PMFBP1: variants seen among roughly 807,000 people sequenced by gnomAD.
PMFBP1 encodes the protein polyamine modulated factor 1 binding protein 1.
In PMFBP1, 131 loss-of-function variants were observed where a neutral mutation model predicts 137.8. That is an observed-to-expected ratio of 0.95 (90% CI 0.82 to 1.10). The LOEUF (loss-of-function observed/expected upper bound fraction) is 1.10. PMFBP1 is among the 50% of genes least tolerant of loss of function. PMFBP1 has a pLI of 0.00. For missense variants in PMFBP1, 1,199 were observed against 1,175.4 expected (o/e 1.02, Z -0.29); for synonymous variants, 490 against 450.4 (o/e 1.09, Z -1.11).
chr16:72,146,648 T>C (rs6499563), intron 5 of PMFBP1, among the ~76,000 whole-genome samples: 92,989 of 152,076 alleles, frequency 0.61, 29,532 homozygotes, highest in African/African-American at 0.77. Flanking sequence ...CCCAAATCTC[T>C]TTAAGCTGAT....
chr16:72,192,343 T>C, the PMFBP1 span, among the ~76,000 whole-genome samples: 1 of 152,188 alleles, frequency 6.6e-6, no homozygotes, highest in Non-Finnish European at 1.5e-5. Context: ...TCAACTGTTA[T>C]AGGATGCTAA....
intron 6 of PMFBP1, 137 bp from the exon 7 acceptor site, chr16:72,139,536 G>T (rs1455662685): frequency 2.8e-6 from 2 of 711,336 alleles, no homozygotes; most frequent in African/African-American, 1.7e-5. Flanking sequence ...TTCCCTGTGG[G>T]GTAGGTAGGG....
At chr16:72,238,093 T>C in the PMFBP1 span, among the ~76,000 whole-genome samples, 4 of 152,240 alleles carry the variant, frequency 2.6e-5, no homozygotes, top group Non-Finnish European at 5.9e-5. Context: ...TTGTGGATAG[T>C]GCTGCAATGA....
At chr16:72,192,635 C>A in the PMFBP1 span, among the ~76,000 whole-genome samples, 2 of 152,118 alleles carry the variant, frequency 1.3e-5, no homozygotes, top group Non-Finnish European at 2.9e-5. Context: ...CACCTGTAAT[C>A]TCAGCACTTT....
the PMFBP1 span, among the ~76,000 whole-genome samples, chr16:72,229,583 G>C: frequency 5.9e-5 from 9 of 151,874 alleles, no homozygotes; most frequent in Non-Finnish European, 1.3e-4. Context: ...CTGTGATTTA[G>C]ATTTGCCTTT....
chr16:72,206,061 T>C, the PMFBP1 span, among the ~76,000 whole-genome samples: 1 of 151,992 alleles, frequency 6.6e-6, no homozygotes, highest in African/African-American at 2.4e-5. Context: ...TAGCTTGCTA[T>C]TGGGAAATGG....
the PMFBP1 span, among the ~76,000 whole-genome samples, chr16:72,241,843 G>A: frequency 1.3e-5 from 2 of 152,282 alleles, no homozygotes; most frequent in South Asian, 4.2e-4. Context: ...CAAATGGCTG[G>A]TGTTTAATTG....
At position 72,130,693 on chromosome 16, in the gene PMFBP1, C is replaced by G. The variant is rs771613970; in HGVS notation, c.1477G>C (p.Ala493Pro). ...AQQAAQCKEE[A>P]ALAGCHLEDT... The stretch of plus-strand genomic sequence containing the variant: ...TCCAGGTGACAGCCTGCCAGTGCAG[C>G]CTCTTCTTTGCACTGGGCTGCTTGC... The change falls in exon 11 of 21, where the codon GCT becomes CCT. Residue 493 changes from alanine (A) to proline (P), a missense_variant. Ala to Pro is a conservative substitution (Grantham distance 27). Coordinates refer to ENST00000237353, the MANE Select transcript of PMFBP1 (RefSeq NM_031293.3). 6 of 1,613,236 alleles carry G rather than the reference C, an allele frequency of 3.7e-6. No homozygotes were observed. The highest frequency in any genetic ancestry group is 5.1e-6 in the Non-Finnish European group (6 of 1,179,968).
Position 72,122,948 on chromosome 16 carries a change from C to T in PMFBP1, c.2734G>A (p.Val912Met), listed in dbSNP as rs767757917. 4 of 1,613,346 alleles carry T rather than the reference C, an allele frequency of 2.5e-6. No individual in the cohort carries two copies. The highest frequency in any genetic ancestry group is 2.7e-5 in the African/African-American group (2 of 74,904). The change falls in exon 19 of 21, where the codon GTG (valine) becomes ATG (methionine). Residue 912 changes from valine to methionine, a missense_variant. Transcript: ENST00000237353. ...EKLGNQLREQ[V>M]KYIAKLSGEK... ...CCACTCAGCTTGGCAATGTATTTCA[C>T]CTGCTCTCGGAGCTGGTTTCCTAGT...
chr16:72,187,525 G>C, the PMFBP1 span, among the ~76,000 whole-genome samples: 1 of 152,222 alleles, frequency 6.6e-6, no homozygotes, highest in East Asian at 1.9e-4. Flanking sequence ...GCTGATTTTG[G>C]AGGGGGAGTG....
the PMFBP1 span, among the ~76,000 whole-genome samples, chr16:72,183,681 G>A: frequency 6.6e-6 from 1 of 152,114 alleles, no homozygotes; most frequent in South Asian, 2.1e-4. Context: ...ATGAATTGGG[G>A]TGGGGGCAAC....
At chr16:72,144,128 G>T (rs1250588901) in intron 5 of PMFBP1, among the ~76,000 whole-genome samples, 1 of 151,752 alleles carries the variant, frequency 6.6e-6, no homozygotes, top group African/African-American at 2.4e-5. Flanking sequence ...AATAAACATA[G>T]CAAGAAATAC....
rs1353044697 is a variant in PMFBP1, at chr16:72,125,910, C to T, written c.2253+58G>A. On this transcript the variant is annotated intron_variant, in intron 15 of 20. Transcript: ENST00000237353. Reference sequence around the variant, plus strand: ...GAAATTGGCTCCTGTGCTTCTCCCGCTACCTTGACGTTTCCTTGCCTGAAA... The same window carrying T: ...GAAATTGGCTCCTGTGCTTCTCCCGTTACCTTGACGTTTCCTTGCCTGAAA... 5.7e-6 allele frequency: 9 copies of T among 1,578,194 alleles called. No individual in the cohort carries two copies. In the African/African-American group the frequency reaches 1.2e-4, roughly 21 times the overall value.
At chr16:72,243,838 G>GATTT in the PMFBP1 span, among the ~76,000 whole-genome samples, 2 of 152,220 alleles carry the variant, frequency 1.3e-5, no homozygotes, top group Non-Finnish European at 2.9e-5. Flanking sequence ...GGTCCAGACT[G>GATTT]ATTTCCGCAC....
the PMFBP1 span, among the ~76,000 whole-genome samples, chr16:72,213,203 G>T: frequency 4.0e-5 from 6 of 148,868 alleles, no homozygotes; most frequent in Admixed American, 6.6e-5. Flanking sequence ...AGCCCGGGGG[G>T]GGGTGGGGAA....
At chr16:72,123,806 C>T (rs1434730024) in intron 17 of PMFBP1, among the ~76,000 whole-genome samples, 157 bp from the exon 18 acceptor site, 1 of 152,172 alleles carries the variant, frequency 6.6e-6, no homozygotes, top group Non-Finnish European at 1.5e-5. Flanking sequence ...CAGACCTCCC[C>T]CTCTGGCTTG....
the PMFBP1 span, among the ~76,000 whole-genome samples, chr16:72,196,360 G>A: frequency 6.6e-6 from 1 of 152,152 alleles, no homozygotes; most frequent in African/African-American, 2.4e-5. Context: ...TGTCTTCTCT[G>A]TGGTACAGAA....
intron 19 of PMFBP1, among the ~76,000 whole-genome samples, chr16:72,121,529 C>T (rs1170303944): frequency 6.6e-6 from 1 of 152,228 alleles, no homozygotes; most frequent in Non-Finnish European, 1.5e-5. Context: ...CGAATGGATT[C>T]CAGGTGTTTG....
upstream of PMFBP1, among the ~76,000 whole-genome samples, chr16:72,172,854 C>T (rs944399882): frequency 2.6e-5 from 4 of 152,126 alleles, no homozygotes; most frequent in Non-Finnish European, 5.9e-5. Context: ...GGAGCACATG[C>T]TGTTGGAAAA....
Sources: allele counts gnomAD v4.1 joint callset (sites outside exome capture counted in the v4.1 genomes callset), GRCh38; gene constraint gnomAD v4.1.1; transcripts MANE v1.5; gene names NCBI Gene and HGNC (gene_info 2026-07-23, HGNC 2026-07-21).